The following LEPROTL1 variants were observed in gnomAD, a reference collection of about 807,000 sequenced individuals.
LEPROTL1 encodes the protein leptin receptor overlapping transcript-like 1.
A neutral mutation model predicts 15.4 loss-of-function variants in LEPROTL1; 6 were observed. The observed-to-expected ratio is 0.39, with a 90% CI of 0.21 to 0.77. The LOEUF is 0.77. LEPROTL1 is among the 30% of genes least tolerant of loss of function. The probability of loss-of-function intolerance (pLI) is 0.41; values close to 1 mark genes in which losing one functional copy is unlikely to be tolerated. For synonymous variants in LEPROTL1, 56 were observed against 52.6 expected (o/e 1.06, Z -0.28); for missense variants, 128 against 158.1 (o/e 0.81, Z 1.02).
intron 3 of LEPROTL1, among the ~76,000 whole-genome samples, chr8:30,129,711 T>TCACA (rs35105107): frequency 0.045 from 5,809 of 128,272 alleles, 139 homozygotes; most frequent in Admixed American, 0.061. Flanking sequence ...TGAGACCCTG[T>TCACA]CACACACACA....
In LEPROTL1 at chr8:30,107,832, T is replaced by C. The variant is rs1246605516; in HGVS notation, c.*1970T>C. On this transcript the variant is annotated 3_prime_UTR_variant, in exon 4 of 4. Transcript: ENST00000321250. ...TCAGTGCAGTGCACTGCTACTGTTT[T>C]ATCCACTTGGCCACAGACTTTTTCT... 2.3e-5 allele frequency: 23 copies of C among 985,456 alleles called. No homozygotes were observed. The highest frequency in any genetic ancestry group is 2.7e-5 in the Non-Finnish European group (22 of 829,934). 61.0% of individuals were successfully genotyped at this position (985,456 alleles called of 1,614,324 possible). A position where few individuals can be genotyped will look rare whatever the true frequency, so the allele number is the denominator to read the frequency against.
chr8:30,104,230 A>G (rs1802519166), intron 2 of LEPROTL1, 70 bp from the exon 3 acceptor site: 1 of 939,590 alleles, frequency 1.1e-6, no homozygotes, highest in Non-Finnish European at 1.5e-6. Flanking sequence ...TGATTTTTTA[A>G]AAAGACCATA....
At chr8:30,137,790 T>A (rs1585486390), downstream of LEPROTL1, 1 of 402,940 alleles carries the variant, frequency 2.5e-6, no homozygotes, top group East Asian at 4.7e-5. Context: ...GCCTGGAAAC[T>A]AGACTGCCTT....
chr8:30,131,733 C>T, intron 3 of LEPROTL1: 4 of 513,750 alleles, frequency 7.8e-6, no homozygotes, highest in South Asian at 2.3e-5. Flanking sequence ...GAAGAAACCA[C>T]ATCTTTTTCC....
intron 1 of LEPROTL1, chr8:30,096,438 T>C: frequency 5.1e-6 from 5 of 974,340 alleles, no homozygotes; most frequent in Non-Finnish European, 6.1e-6. Context: ...TTGGGAGCAG[T>C]GGTTTTCTTT....
At position 30,095,461 on chromosome 8, in the gene LEPROTL1, CGCTGCT is replaced by C; in HGVS notation, c.-49_-44del. 6.8e-7 allele frequency: 1 copy of C among 1,463,230 alleles called. No homozygotes were observed. The highest frequency in any genetic ancestry group is 9.0e-7 in the Non-Finnish European group (1 of 1,111,534). The allele number at this position is 1,463,230 out of a possible 1,614,324, so 90.6% of individuals were successfully genotyped here. On this transcript the variant is annotated 5_prime_UTR_variant, in exon 1 of 4. Transcript: ENST00000321250. ...AGCGCGTCTTGGGTCTCCCGGCTGC[CGCTGCT>C]GCCGCCGCCGCCTCGGGTCGTGGAG... is the stretch of plus-strand genomic sequence containing the variant.
At chr8:30,111,496 A>G (rs1255467959), downstream of LEPROTL1, among the ~76,000 whole-genome samples, 1 of 152,224 alleles carries the variant, frequency 6.6e-6, no homozygotes, top group African/African-American at 2.4e-5. Context: ...CACTTCGGCT[A>G]TGTCATGAGG....
downstream of LEPROTL1, among the ~76,000 whole-genome samples, chr8:30,112,180 T>C (rs1802661209): frequency 6.6e-6 from 1 of 152,136 alleles, no homozygotes; most frequent in South Asian, 2.1e-4. Context: ...TTGCTTTGTT[T>C]CAGACCCTTG....
downstream of LEPROTL1, among the ~76,000 whole-genome samples, chr8:30,109,360 G>A (rs1802621411): frequency 6.6e-6 from 1 of 152,080 alleles, no homozygotes; most frequent in South Asian, 2.1e-4. Flanking sequence ...TCATTTTATG[G>A]CATTCTCAAG....
chr8:30,116,425 G>A (rs1423044903), intron 3 of LEPROTL1, among the ~76,000 whole-genome samples: 1 of 152,154 alleles, frequency 6.6e-6, no homozygotes, highest in Non-Finnish European at 1.5e-5. Flanking sequence ...CAGATCATCA[G>A]GCATTAGATT....
chr8:30,127,908 C>T (rs894058692), intron 3 of LEPROTL1, among the ~76,000 whole-genome samples: 1 of 151,886 alleles, frequency 6.6e-6, no homozygotes, highest in African/African-American at 2.4e-5. Context: ...TGTCAATAAC[C>T]AGGTACTACC....
chr8:30,130,784 T>C (rs1194024108), intron 3 of LEPROTL1, among the ~76,000 whole-genome samples: 1 of 149,894 alleles, frequency 6.7e-6, no homozygotes, highest in African/African-American at 2.4e-5. Context: ...AAAAAAAATT[T>C]TTTTTTTTTT....
At chr8:30,134,601 G>A (rs1803099625) in intron 4 of LEPROTL1, among the ~76,000 whole-genome samples, 1 of 152,022 alleles carries the variant, frequency 6.6e-6, no homozygotes, top group Non-Finnish European at 1.5e-5. Context: ...GAGTGCAGTG[G>A]CGCGATCTCA....
rs1389480510 is a variant in LEPROTL1 at position 30,096,348 on chromosome 8, TC to T, written c.16+821del. 3.0e-6 allele frequency: 3 copies of T among 985,224 alleles called. No individual in the cohort carries two copies. In the African/African-American group the frequency reaches 5.2e-5, roughly 17 times the overall value. 61.0% of individuals were successfully genotyped at this position (985,224 alleles called of 1,614,324 possible). ...GTCAGTGTGATGAGAAGCAAAGTTT[TC>T]AGCTACTGCTTAACTAATTACATTG... is the stretch of plus-strand genomic sequence containing the variant. On this transcript the variant is annotated intron_variant, in intron 1 of 3. Transcript: ENST00000321250.
chr8:30,100,626 T>C (rs1051771101), intron 1 of LEPROTL1, among the ~76,000 whole-genome samples: 8 of 152,196 alleles, frequency 5.3e-5, no homozygotes, highest in South Asian at 2.1e-4. Flanking sequence ...ATTTTTTGTA[T>C]TCTTAGTAGA....
intron 3 of LEPROTL1, among the ~76,000 whole-genome samples, chr8:30,122,750 G>A (rs1305946162): frequency 1.3e-5 from 2 of 152,078 alleles, no homozygotes; most frequent in Non-Finnish European, 2.9e-5. Context: ...AGCTGAGATC[G>A]CGCCACTGCA....
intron 4 of LEPROTL1, among the ~76,000 whole-genome samples, chr8:30,134,518 C>G (rs981339587): frequency 2.0e-5 from 3 of 151,916 alleles, no homozygotes; most frequent in Non-Finnish European, 4.4e-5. Flanking sequence ...ACTGTAATGC[C>G]CAATTCCTAA....
chr8:30,124,583 A>G (rs1044237942), intron 3 of LEPROTL1, among the ~76,000 whole-genome samples: 3 of 152,214 alleles, frequency 2.0e-5, no homozygotes, highest in African/African-American at 7.2e-5. Flanking sequence ...AAGCTTTACT[A>G]TCCAATTAGT....
At chr8:30,114,157 A>G (rs1796771025) in intron 3 of LEPROTL1, among the ~76,000 whole-genome samples, 1 of 152,178 alleles carries the variant, frequency 6.6e-6, no homozygotes, top group African/African-American at 2.4e-5. Flanking sequence ...ACCTTATTCA[A>G]CAATGTATTC....
Sources: gnomAD v4.1 joint callset for allele counts (sites outside exome capture counted in the v4.1 genomes callset) on GRCh38, gnomAD v4.1.1 for gene constraint, MANE v1.5 for transcripts, NCBI Gene and HGNC (gene_info 2026-07-23, HGNC 2026-07-21) for gene names.